The following SYNPR variants were observed in gnomAD, a reference collection of about 807,000 sequenced individuals.
The protein encoded by SYNPR is synaptoporin.
In SYNPR, 23 loss-of-function variants were observed where a neutral mutation model predicts 32.9. The ratio of observed to expected loss-of-function variants is 0.70; its 90% CI spans 0.50 to 0.99. SYNPR has a LOEUF of 0.99. Ranked by LOEUF, SYNPR falls within the 50% of genes least tolerant of loss-of-function variation. SYNPR has a pLI of 0.00. For synonymous variants in SYNPR, 146 were observed against 135.9 expected (o/e 1.07, Z -0.52); for missense variants, 318 against 349.3 (o/e 0.91, Z 0.71).
At chr3:63,417,687 C>T (rs1041632083) in intron 2 of SYNPR, among the ~76,000 whole-genome samples, 1 of 152,250 alleles carries the variant, frequency 6.6e-6, no homozygotes, top group African/African-American at 2.4e-5. Context: ...GACTTCTGTG[C>T]ACTGGCAGGC....
intron 2 of SYNPR, among the ~76,000 whole-genome samples, chr3:63,264,766 C>A (rs72878282): frequency 0.08 from 12,231 of 152,150 alleles, 1,422 homozygotes; most frequent in African/African-American, 0.26. Context: ...AACTTACAAT[C>A]GTAGCGGAAG....
intron 2 of SYNPR, among the ~76,000 whole-genome samples, chr3:63,377,571 T>TA (rs1352429259): frequency 5.3e-5 from 8 of 152,122 alleles, no homozygotes; most frequent in Admixed American, 4.6e-4. Flanking sequence ...AATAAAAGGT[T>TA]AAAAAAATTA....
At position 63,556,539 on chromosome 3, in the gene SYNPR, T is replaced by G; in HGVS notation, c.210-4T>G. 2 of 1,605,488 alleles carry G rather than the reference T, an allele frequency of 1.2e-6. No homozygotes were observed. The highest frequency in any genetic ancestry group is 1.7e-6 in the Non-Finnish European group (2 of 1,175,408). On this transcript the variant is annotated splice_polypyrimidine_tract_variant and splice_region_variant and intron_variant, in intron 3 of 5. Transcript: ENST00000478300. ...AGAATGTCTCCTTAAATCTGGCAATTTAGGTTGCACCAGGTGACGTTTGAG... is the reference window on the plus strand; with the variant it reads ...AGAATGTCTCCTTAAATCTGGCAATGTAGGTTGCACCAGGTGACGTTTGAG...
At chr3:63,350,729 G>A (rs1310965352) in intron 2 of SYNPR, among the ~76,000 whole-genome samples, 1 of 152,174 alleles carries the variant, frequency 6.6e-6, no homozygotes, top group East Asian at 1.9e-4. Context: ...CACTTGCTAT[G>A]GACACCACAA....
chr3:63,322,948 A>G (rs180924395), intron 2 of SYNPR, among the ~76,000 whole-genome samples: 3 of 152,218 alleles, frequency 2.0e-5, no homozygotes, highest in East Asian at 3.9e-4. Context: ...CTTAAGGGAC[A>G]GGGAGAGGCT....
At chr3:63,435,915 C>A (rs541623847) in intron 2 of SYNPR, among the ~76,000 whole-genome samples, 43 of 152,172 alleles carry the variant, frequency 2.8e-4, no homozygotes, top group Non-Finnish European at 3.5e-4. Flanking sequence ...TATTTATATA[C>A]CAGGCCCGTA....
At chr3:63,276,620 T>TCCCCCCCCCCCC (rs11398109), upstream of SYNPR, among the ~76,000 whole-genome samples, 1 of 142,036 alleles carries the variant, frequency 7.0e-6, no homozygotes, top group Non-Finnish European at 1.5e-5. Context: ...TAGTGTTAGT[T>TCCCCCCCCCCCC]CCCCCCACCC....
chr3:63,416,009 A>G (rs2088534407), intron 2 of SYNPR, among the ~76,000 whole-genome samples: 1 of 152,212 alleles, frequency 6.6e-6, no homozygotes. Flanking sequence ...CAAGGCATCT[A>G]CTTATTCATC....
At chr3:63,469,696 A>G (rs945640857) in intron 2 of SYNPR, among the ~76,000 whole-genome samples, 1 of 152,214 alleles carries the variant, frequency 6.6e-6, no homozygotes, top group Non-Finnish European at 1.5e-5. Context: ...GCCCTTTTTA[A>G]TCAACGAATG....
intron 2 of SYNPR, among the ~76,000 whole-genome samples, chr3:63,311,910 A>C (rs1277770519): frequency 1.3e-5 from 2 of 152,008 alleles, no homozygotes; most frequent in Non-Finnish European, 2.9e-5. Flanking sequence ...GAGACCTAAG[A>C]CATACCCATC....
At chr3:63,595,607 C>T (rs1699918543) in intron 4 of SYNPR, among the ~76,000 whole-genome samples, 1 of 148,616 alleles carries the variant, frequency 6.7e-6, no homozygotes, top group African/African-American at 2.5e-5. Context: ...GTAGTAATAT[C>T]TGCTTCATAG....
chr3:63,332,153 G>A (rs2087237805), intron 2 of SYNPR, among the ~76,000 whole-genome samples: 1 of 152,136 alleles, frequency 6.6e-6, no homozygotes, highest in East Asian at 1.9e-4. Flanking sequence ...TGGACTTTAT[G>A]AAGTCACATG....
intron 2 of SYNPR, among the ~76,000 whole-genome samples, chr3:63,411,159 T>C (rs1232488464): frequency 6.6e-6 from 1 of 152,048 alleles, no homozygotes; most frequent in Non-Finnish European, 1.5e-5. Flanking sequence ...AGATCCTGGG[T>C]AAAGAGAACA....
chr3:63,484,091 A>T (rs141732294), intron 3 of SYNPR, among the ~76,000 whole-genome samples: 4 of 152,308 alleles, frequency 2.6e-5, no homozygotes, highest in African/African-American at 9.6e-5. Flanking sequence ...GATAACTCAC[A>T]AAGTAATAAT....
intron 3 of SYNPR, among the ~76,000 whole-genome samples, chr3:63,496,114 T>C (rs1246756499): frequency 6.6e-6 from 1 of 151,976 alleles, no homozygotes; most frequent in Non-Finnish European, 1.5e-5. Context: ...AAAACTGATA[T>C]TTAAAAAAAA....
chr3:63,355,897 T>C (rs1446346707), intron 2 of SYNPR, among the ~76,000 whole-genome samples: 1 of 152,196 alleles, frequency 6.6e-6, no homozygotes, highest in Non-Finnish European at 1.5e-5. Flanking sequence ...TGTAACCCTG[T>C]GTTGGTATTG....
At chr3:63,270,890 TCCTTCC>T (rs753641714) in intron 3 of SYNPR, among the ~76,000 whole-genome samples, 3,712 of 69,916 alleles carry the variant, frequency 0.053, 159 homozygotes, top group African/African-American at 0.13. Context: ...CTTCCTTCCT[TCCTTCC>T]TTTTCTTTCC....
At chr3:63,240,439 T>G (rs2086232131) in intron 1 of SYNPR, among the ~76,000 whole-genome samples, 1 of 152,084 alleles carries the variant, frequency 6.6e-6, no homozygotes, top group South Asian at 2.1e-4. Context: ...GGAGAGGCTT[T>G]TTCCTGTGGC....
intron 2 of SYNPR, among the ~76,000 whole-genome samples, chr3:63,337,413 G>A (rs928077771): frequency 1.3e-5 from 2 of 152,054 alleles, no homozygotes; most frequent in African/African-American, 2.4e-5. Flanking sequence ...TTCACTGATC[G>A]TGGGAATGCA....
Sources: gnomAD v4.1 joint callset for allele counts (sites outside exome capture counted in the v4.1 genomes callset) on GRCh38, gnomAD v4.1.1 for gene constraint, MANE v1.5 for transcripts, NCBI Gene and HGNC (gene_info 2026-07-23, HGNC 2026-07-21) for gene names.